Variants in SSRP1 observed in about 807,000 individuals in gnomAD.
The protein encoded by SSRP1 is structure specific recognition protein 1.
In SSRP1, 21 loss-of-function variants were observed where a neutral mutation model predicts 84.4. The observed-to-expected ratio is 0.25, with a 90% CI of 0.18 to 0.36. The LOEUF is 0.36. Ranked by LOEUF, SSRP1 falls within the 10% of genes least tolerant of loss-of-function variation. SSRP1 has a pLI of 1.00. For synonymous variants in SSRP1, 319 were observed against 318.3 expected, an observed-to-expected ratio of 1.00 and a Z score of -0.02; for missense variants, 519 against 900.8, an observed-to-expected ratio of 0.58 and a Z score of 5.43.
intron 2 of SSRP1, 123 bp downstream of exon 2, chr11:57,334,945 T>C: frequency 8.7e-7 from 1 of 1,145,342 alleles, no homozygotes. Context: ...AGACACTAGG[T>C]ACACATTATA....
chr11:57,332,396 G>A lies in SSRP1; in HGVS notation c.859C>T (p.Leu287=), dbSNP rs745913825. Reference sequence around the variant, plus strand: ...GGAGACACTCACTCGTTCATGTTCAGAGTCAACGAAATGTCCTCGTCCTTG... The same window carrying A: ...GGAGACACTCACTCGTTCATGTTCAAAGTCAACGAAATGTCCTCGTCCTTG... ...FSKDEDISLT[L]NMNEEEVEKR... The change falls in exon 7 of 17, where the codon CTG becomes TTG. Residue 287 remains leucine (L), a synonymous_variant. Coordinates refer to ENST00000278412, the MANE Select transcript of SSRP1 (RefSeq NM_003146.3). This position sits in a 1 kb window ranked among gnomAD's most constrained non-coding sequence, Gnocchi z 5.5. The A allele has an allele frequency of 5.6e-6, 9 of 1,614,188 alleles. No individual in the cohort carries two copies. The highest frequency in any genetic ancestry group is 7.6e-6 in the Non-Finnish European group (9 of 1,180,046).
rs1039025510 is a variant in SSRP1, at chr11:57,326,398, C to T, written c.*9G>A. 13 of 1,613,914 alleles carry T rather than the reference C, an allele frequency of 8.1e-6. No homozygotes were observed. Among genetic ancestry groups the T allele is most frequent in the Non-Finnish European group, 1.1e-5 (13 of 1,179,914 alleles). On this transcript the variant is annotated 3_prime_UTR_variant, in exon 17 of 17. Coordinates refer to ENST00000278412, the MANE Select transcript of SSRP1 (RefSeq NM_003146.3). ...AGAAGGCAAGCGCAAAGAGAACCTT[C>T]CTCCGTTTCTACTCATCGGATCCTG...
Position 57,334,577 on chromosome 11 carries a change from G to A in SSRP1, c.126C>T (p.Asn42=), listed in dbSNP as rs888555483. Residue 42 remains asparagine (N), a synonymous_variant, in exon 3 of 17, where the codon AAC becomes AAT. Coordinates refer to ENST00000278412, the MANE Select transcript of SSRP1 (RefSeq NM_003146.3). ...FKNSKTGKVD[N]IQAGELTEGI... is the part of the protein sequence containing the mutation. ...CTTCTGTTAACTCCCCAGCCTGGAT[G>A]TTGTCCACTTTGCCTGTCTTGCTAT... 3 of 1,614,234 alleles carry A rather than the reference G, an allele frequency of 1.9e-6. No homozygotes were observed. Among genetic ancestry groups the A allele is most frequent in the Non-Finnish European group, 1.7e-6 (2 of 1,180,054 alleles).
At chr11:57,326,682 G>A in intron 16 of SSRP1, 21 bp downstream of exon 16, 2 of 1,609,372 alleles carry the variant, frequency 1.2e-6, no homozygotes, top group Non-Finnish European at 8.5e-7. Flanking sequence ...CCAGCCCACA[G>A]GCCCCACATT....
At position 57,334,566 on chromosome 11, in the gene SSRP1, C is replaced by T. The variant is rs993363792; in HGVS notation, c.137G>A (p.Gly46Glu). ...KTGKVDNIQAGELTEGIWRRV... is the reference protein window; with the variant it reads ...KTGKVDNIQAEELTEGIWRRV... ...GCGCCAGATACCTTCTGTTAACTCC[C>T]CAGCCTGGATGTTGTCCACTTTGCC... The change falls in exon 3 of 17, where the codon GGG becomes GAG. Residue 46 changes from glycine to glutamate, a missense_variant. Physicochemically the swap from Gly to Glu is moderately conservative, Grantham distance 98 (BLOSUM62 -2). Around this residue, in one of 7 missense-constraint regions of SSRP1, gnomAD observed 88 missense variants for 122.0 expected, o/e 0.72. Coordinates refer to ENST00000278412, the MANE Select transcript of SSRP1 (RefSeq NM_003146.3). The T allele has an allele frequency of 6.2e-7, 1 of 1,614,236 alleles. No individual in the cohort carries two copies. Among genetic ancestry groups the T allele is most frequent in the Admixed American group, 1.7e-5 (1 of 60,034 alleles).
intron 12 of SSRP1, 110 bp from the exon 13 acceptor site, chr11:57,328,536 G>C: frequency 6.8e-7 from 1 of 1,464,260 alleles, no homozygotes; most frequent in Non-Finnish European, 9.1e-7. Context: ...GGGCAAGGGA[G>C]GAAGACCAGA....
At chr11:57,333,573 T>C in intron 3 of SSRP1, 33 bp from the exon 4 acceptor site, 2 of 1,533,444 alleles carry the variant, frequency 1.3e-6, no homozygotes, top group South Asian at 1.1e-5. Flanking sequence ...ACAATCCCAG[T>C]AAACCTTGGT....
rs761041965 is a variant in SSRP1 at position 57,332,498 on chromosome 11, G to A, written c.769-12C>T. The A allele has an allele frequency of 5.0e-6, 8 of 1,613,890 alleles. No individual in the cohort carries two copies. The Admixed American group carries it at 6.7e-5, about 13-fold the overall frequency. ...GGATCCAGGCTGATCTAGTAAGGAA[G>A]AGTACTAATTGACACTCTACAACAA... On this transcript the variant is annotated splice_polypyrimidine_tract_variant and intron_variant, in intron 6 of 16. Transcript: ENST00000278412. This position sits in a 1 kb window ranked among gnomAD's most constrained non-coding sequence, Gnocchi z 5.5.
chr11:57,326,158 G>A lies in SSRP1; in HGVS notation c.*249C>T, dbSNP rs1855975425. 1.1e-5 allele frequency: 6 copies of A among 557,886 alleles called. No homozygotes were observed. Among genetic ancestry groups the A allele is most frequent in the Admixed American group, 9.4e-5 (3 of 31,964 alleles). The allele number at this position is 557,886 out of a possible 1,614,324, so 34.6% of individuals were successfully genotyped here. ...ATCCTTAAGGTCGGGAAAGTAAGAT[G>A]AGGATTTGGATCCTGCATTGCCCTG... On this transcript the variant is annotated 3_prime_UTR_variant, in exon 17 of 17. Transcript: ENST00000278412.
intron 12 of SSRP1, 140 bp from the exon 13 acceptor site, chr11:57,328,566 T>A: frequency 8.5e-7 from 1 of 1,181,922 alleles, no homozygotes; most frequent in South Asian, 1.6e-5. Context: ...CCACCACCAA[T>A]CCCCAACACT....
At chr11:57,327,368 T>TAA (rs879223950) in intron 15 of SSRP1, 58 bp downstream of exon 15, 61 of 1,299,174 alleles carry the variant, frequency 4.7e-5, no homozygotes, top group African/African-American at 1.8e-4. Context: ...TTCGGCCTGT[T>TAA]AAAAAAAAAA....
chr11:57,333,581 G>C (rs1215692625), intron 3 of SSRP1, 41 bp from the exon 4 acceptor site: 3 of 1,483,492 alleles, frequency 2.0e-6, no homozygotes, highest in Middle Eastern at 1.7e-4. Context: ...AGTAAACCTT[G>C]GTGGCCTTAA....
Position 57,330,504 on chromosome 11 carries a change from C to T in SSRP1, c.1297-75G>A. The stretch of plus-strand genomic sequence containing the variant: ...TCCCTGCACACTCAAAAGCACACCC[C>T]CATGCCTGTCAAGTCAGAGCAGCAG... On this transcript the variant is annotated intron_variant, in intron 10 of 16. Transcript: ENST00000278412. The surrounding 1 kb of genome is among the most constrained non-coding windows in gnomAD (Gnocchi z 4.0). 1.3e-6 allele frequency: 2 copies of T among 1,582,310 alleles called. No homozygotes were observed. Among genetic ancestry groups the T allele is most frequent in the East Asian group, 2.2e-5 (1 of 44,592 alleles).
Position 57,335,187 on chromosome 11 carries a change from G to C in SSRP1, c.-66C>G. On this transcript the variant is annotated 5_prime_UTR_variant, in exon 2 of 17. Transcript: ENST00000278412. The surrounding 1 kb of genome is among the most constrained non-coding windows in gnomAD (Gnocchi z 4.6). ...TGCACAAGGGAAACCAAGTAAACTG[G>C]GAGCTGGGCCCCAACTCCTGAGTGG... 6.3e-7 allele frequency: 1 copy of C among 1,582,714 alleles called. No individual in the cohort carries two copies. The highest frequency in any genetic ancestry group is 1.1e-5 in the South Asian group (1 of 90,304).
rs377602601 is a variant in SSRP1 at position 57,332,363 on chromosome 11, G to A, written c.872+20C>T. 7.4e-6 allele frequency: 12 copies of A among 1,613,634 alleles called. No homozygotes were observed. Among genetic ancestry groups the A allele is most frequent in the East Asian group, 2.2e-5 (1 of 44,882 alleles). Reference sequence around the variant, plus strand: ...TCCTGCCTGGACAGTGGTAGGAAACGAGTCCAGGGAGACACTCACTCGTTC... The same window carrying A: ...TCCTGCCTGGACAGTGGTAGGAAACAAGTCCAGGGAGACACTCACTCGTTC... On this transcript the variant is annotated intron_variant, in intron 7 of 16. Coordinates refer to ENST00000278412, the MANE Select transcript of SSRP1 (RefSeq NM_003146.3). This position sits in a 1 kb window ranked among gnomAD's most constrained non-coding sequence, Gnocchi z 5.5.
rs1856102705 is a variant in SSRP1, at chr11:57,332,037, C to G, written c.1001+115G>C. The G allele has an allele frequency of 1.9e-6, 3 of 1,557,020 alleles. No homozygotes were observed. Among genetic ancestry groups the G allele is most frequent in the Admixed American group, 3.5e-5 (2 of 56,634 alleles). ...AGAGGCGCTGGCACCTATTGTGACA[C>G]AAGGTCCCATCCAGGCCTCTAGGAG... On this transcript the variant is annotated intron_variant, in intron 8 of 16. Transcript: ENST00000278412. The surrounding 1 kb of genome is among the most constrained non-coding windows in gnomAD (Gnocchi z 5.5).
At position 57,331,906 on chromosome 11, in the gene SSRP1, G is replaced by A. The variant is rs373824136; in HGVS notation, c.1002-17C>T. On this transcript the variant is annotated splice_polypyrimidine_tract_variant and intron_variant, in intron 8 of 16. Transcript: ENST00000278412. ...CCTGAGTGCCTGACAGAGGGTGCAG[G>A]GAGCCTGGTTAGTGCCAACCTCAGC... 1.2e-4 allele frequency: 198 copies of A among 1,603,548 alleles called. No individual in the cohort carries two copies. In the African/African-American group the frequency reaches 2.1e-3, roughly 17 times the overall value.
At chr11:57,327,176 AT>A (rs971793700) in intron 15 of SSRP1, 1 of 657,082 alleles carries the variant, frequency 1.5e-6, no homozygotes, top group Non-Finnish European at 2.6e-6. Flanking sequence ...CCATAATAGT[AT>A]TTTTTTCGTT....
rs1238501503 is a variant in SSRP1 at position 57,332,739 on chromosome 11, G to A, written c.654C>T (p.Ile218=). 1.2e-6 allele frequency: 2 copies of A among 1,614,118 alleles called. No homozygotes were observed. The highest frequency in any genetic ancestry group is 1.7e-6 in the Non-Finnish European group (2 of 1,180,022). Residue 218 remains isoleucine, a synonymous_variant, in exon 6 of 17, where the codon ATC becomes ATT. Transcript: ENST00000278412. The surrounding 1 kb of genome is among the most constrained non-coding windows in gnomAD (Gnocchi z 5.5). ...LTPRGRYDIR[I]YPTFLHLHGK... ...CATGCAGGTGCAGAAAGGTGGGGTA[G>A]ATCCGAATGTCATAACGACCACGAG...
Sources: gnomAD v4.1 joint callset for allele counts on GRCh38, gnomAD v4.1.1 for gene constraint, gnomAD v4.1.1 regional missense constraint, Gnocchi (gnomAD v3.1) non-coding constraint, MANE v1.5 for transcripts, NCBI Gene and HGNC (gene_info 2026-07-23, HGNC 2026-07-21) for gene names.